Variants in GLS observed in about 807,000 individuals in gnomAD.
The protein encoded by GLS is glutaminase, also known as glutaminase kidney isoform, mitochondrial.
In GLS, 36 loss-of-function variants were observed where a neutral mutation model predicts 86.7. The observed-to-expected ratio is 0.42, with a 90% CI of 0.32 to 0.55. The LOEUF (loss-of-function observed/expected upper bound fraction) is 0.55. Ranked by LOEUF, GLS falls within the 20% of genes least tolerant of loss-of-function variation. The pLI is 0.17. For missense variants in GLS, 528 were observed against 833.4 expected (o/e 0.63, Z 4.51); for synonymous variants, 317 against 305.9 (o/e 1.04, Z -0.38).
At position 190,955,070 on chromosome 2, in the gene GLS, A is replaced by G. The variant is rs1302485165; in HGVS notation, c.1853+252A>G. 6.6e-6 allele frequency among the ~76,000 whole-genome samples: 1 copy of G among 152,128 alleles called. No homozygotes were observed. Among genetic ancestry groups the G allele is most frequent in the East Asian group, 1.9e-4 (1 of 5,204 alleles). On this transcript the variant is annotated intron_variant, in intron 17 of 17. Transcript: ENST00000320717. The surrounding 1 kb of genome is among the most constrained non-coding windows in gnomAD (Gnocchi z 5.6). ...TTAGTCAATACACTGTATGAACAAAACAATTTTTTTTTTGCATTTGGGAAG... is the reference window on the plus strand; with the variant it reads ...TTAGTCAATACACTGTATGAACAAAGCAATTTTTTTTTTGCATTTGGGAAG...
At chr2:190,939,316 G>C (rs1280658367) in intron 14 of GLS, among the ~76,000 whole-genome samples, 1 of 151,576 alleles carries the variant, frequency 6.6e-6, no homozygotes, top group East Asian at 1.9e-4. Flanking sequence ...CTTTTGAAAG[G>C]CTTTGTTGAC....
intron 14 of GLS, among the ~76,000 whole-genome samples, chr2:190,936,829 T>TA (rs1405260811): frequency 3.3e-5 from 5 of 151,358 alleles, no homozygotes; most frequent in African/African-American, 1.2e-4. Flanking sequence ...GTACAGTTTT[T>TA]AGTTTTAAGA....
At chr2:190,882,903 A>G (rs992151844) in intron 1 of GLS, among the ~76,000 whole-genome samples, 4 of 152,090 alleles carry the variant, frequency 2.6e-5, no homozygotes, top group Non-Finnish European at 4.4e-5. Context: ...CTCATCTGGG[A>G]CTCACTTTTA....
chr2:190,933,857 ATGAAT>A, intron 14 of GLS: 1 of 838,512 alleles, frequency 1.2e-6, no homozygotes, highest in Non-Finnish European at 1.4e-6. Flanking sequence ...TACTTGAGAA[ATGAAT>A]TTAGTCTGCA....
intron 17 of GLS, among the ~76,000 whole-genome samples, chr2:190,959,727 ATGT>A (rs1690955477): frequency 2.0e-5 from 3 of 152,160 alleles, no homozygotes; most frequent in Admixed American, 2.0e-4. Flanking sequence ...ATGCAGCCTG[ATGT>A]TGTTTTTAAT....
At chr2:190,891,827 C>G (rs1431352030) in intron 1 of GLS, among the ~76,000 whole-genome samples, 1 of 152,020 alleles carries the variant, frequency 6.6e-6, no homozygotes, top group African/African-American at 2.4e-5. Context: ...AAACAGGCAC[C>G]TTAATTCACA....
At chr2:190,906,734 A>G (rs1024815275) in intron 6 of GLS, among the ~76,000 whole-genome samples, 3 of 152,110 alleles carry the variant, frequency 2.0e-5, no homozygotes, top group African/African-American at 7.2e-5. Context: ...AAACAATTTG[A>G]AGATCTCGTT....
intron 1 of GLS, among the ~76,000 whole-genome samples, chr2:190,887,591 T>G (rs1277905749): frequency 6.6e-6 from 1 of 152,112 alleles, no homozygotes; most frequent in Non-Finnish European, 1.5e-5. Flanking sequence ...ATATTTTGAG[T>G]GACATAGACC....
Position 190,930,436 on chromosome 2 carries a change from G to T in GLS, c.1426-1G>T. On this transcript the variant is annotated splice_acceptor_variant, in intron 12 of 17. Coordinates refer to ENST00000320717, the MANE Select transcript of GLS (RefSeq NM_014905.5). LOFTEE classifies it high-confidence loss of function. The surrounding 1 kb of genome is among the most constrained non-coding windows in gnomAD (Gnocchi z 5.0). ...ATACTCTTTTACTGAATTATTTTTA[G>T]GTTGGTCTTCCTGCAAAATCTGGAG... 1 of 1,601,546 alleles carries T rather than the reference G, an allele frequency of 6.2e-7. No individual in the cohort carries two copies. Among genetic ancestry groups the T allele is most frequent in the Admixed American group, 1.7e-5 (1 of 59,866 alleles).
intron 12 of GLS, among the ~76,000 whole-genome samples, chr2:190,928,437 C>T (rs569756741): frequency 6.7e-4 from 101 of 151,214 alleles, no homozygotes; most frequent in Admixed American, 2.0e-3. Context: ...TGAGTTCCAG[C>T]GATTCTCCTG....
At position 190,953,679 on chromosome 2, in the gene GLS, T is replaced by C; in HGVS notation, c.1712+53T>C. 8.1e-7 allele frequency: 1 copy of C among 1,235,978 alleles called. No individual in the cohort carries two copies. The highest frequency in any genetic ancestry group is 1.7e-5 in the Admixed American group (1 of 57,200). The allele number at this position is 1,235,978 out of a possible 1,614,324, so 76.6% of individuals were successfully genotyped here. On this transcript the variant is annotated intron_variant, in intron 15 of 17. Transcript: ENST00000320717. The surrounding 1 kb of genome is among the most constrained non-coding windows in gnomAD (Gnocchi z 4.0). The stretch of plus-strand genomic sequence containing the variant: ...ACTTTACAGATATTTATGAAGTTGC[T>C]TCTGGGCGAGCAGCCATTTTAAGGT...
In GLS at chr2:190,895,708, C is replaced by G; in HGVS notation, c.588C>G (p.Asp196Glu). ...CAACATCAGATGGTGTCATGCTAGACAAAGATCTTTTTAAAAAGTAAAAGT... is the reference window on the plus strand; with the variant it reads ...CAACATCAGATGGTGTCATGCTAGAGAAAGATCTTTTTAAAAAGTAAAAGT... ...LQTTSDGVMLDKDLFKKCVQS... is the reference protein window; with the variant it reads ...LQTTSDGVMLEKDLFKKCVQS... Residue 196 changes from aspartate to glutamate, a missense_variant, in exon 3 of 18, where the codon GAC becomes GAG. By Grantham distance (45) the Asp-to-Glu change is conservative. Coordinates refer to ENST00000320717, the MANE Select transcript of GLS (RefSeq NM_014905.5). This position sits in a 1 kb window ranked among gnomAD's most constrained non-coding sequence, Gnocchi z 4.2. 1.3e-6 allele frequency: 2 copies of G among 1,579,558 alleles called. No individual in the cohort carries two copies. The highest frequency in any genetic ancestry group is 1.7e-6 in the Non-Finnish European group (2 of 1,156,670).
chr2:190,911,839 T>A (rs554377068), intron 7 of GLS, among the ~76,000 whole-genome samples: 1 of 152,118 alleles, frequency 6.6e-6, no homozygotes, highest in Non-Finnish European at 1.5e-5. Context: ...TCGAGGCTGA[T>A]CCATGGGTCC....
At chr2:190,933,855 A>G in intron 14 of GLS, 1 of 825,650 alleles carries the variant, frequency 1.2e-6, no homozygotes, top group East Asian at 1.2e-4. Context: ...AGTACTTGAG[A>G]AATGAATTTA....
rs531984677 is a variant in GLS at position 190,960,225 on chromosome 2, G to GA, written c.1854-2598dup. Among the ~76,000 whole-genome samples, 323 of 152,032 alleles carry GA rather than the reference G, an allele frequency of 2.1e-3. 1 individual carries two copies. The highest frequency in any genetic ancestry group is 7.4e-3 in the African/African-American group (307 of 41,466). Reference sequence around the variant, plus strand: ...TAATGAGAATAAAAGTTTAGAATGGGAAAAAAACGCATACTTGATGGTGGT... The same window carrying GA: ...TAATGAGAATAAAAGTTTAGAATGGGAAAAAAAACGCATACTTGATGGTGGT... On this transcript the variant is annotated intron_variant, in intron 17 of 17. Coordinates refer to ENST00000320717, the MANE Select transcript of GLS (RefSeq NM_014905.5).
chr2:190,882,832 G>A (rs1574552889), intron 1 of GLS, among the ~76,000 whole-genome samples: 10 of 152,190 alleles, frequency 6.6e-5, no homozygotes, highest in Admixed American at 6.5e-4. Flanking sequence ...GTTCTAAAAA[G>A]CTATACTTCT....
At position 190,947,190 on chromosome 2, in the gene GLS, T is replaced by C. The variant is rs1294113991; in HGVS notation, c.1651-6375T>C. ...ACTCAACCTTTAAACAAGCTCAAAC[T>C]GAGTAGGATAATGATAGGATTAAAG... On this transcript the variant is annotated intron_variant, in intron 14 of 17. Coordinates refer to ENST00000320717, the MANE Select transcript of GLS (RefSeq NM_014905.5). This position sits in a 1 kb window ranked among gnomAD's most constrained non-coding sequence, Gnocchi z 5.0. Among the ~76,000 whole-genome samples the C allele has an allele frequency of 6.6e-6, 1 of 152,150 alleles. No homozygotes were observed. The highest frequency in any genetic ancestry group is 1.9e-4 in the East Asian group (1 of 5,194).
chr2:190,933,786 ATTTCT>A (rs1690184663), intron 14 of GLS: 2 of 694,370 alleles, frequency 2.9e-6, no homozygotes, highest in South Asian at 1.3e-4. Context: ...AAATGCTAAT[ATTTCT>A]TTTGTGATAA....
At chr2:190,917,693 T>C (rs558062605) in intron 7 of GLS, among the ~76,000 whole-genome samples, 1 of 152,330 alleles carries the variant, frequency 6.6e-6, no homozygotes, top group Non-Finnish European at 1.5e-5. Context: ...GATGTTGTGT[T>C]AGCAGGCATG....
Sources: gnomAD v4.1 joint callset for allele counts (sites outside exome capture counted in the v4.1 genomes callset) on GRCh38, gnomAD v4.1.1 for gene constraint, Gnocchi (gnomAD v3.1) non-coding constraint, MANE v1.5 for transcripts, NCBI Gene and HGNC (gene_info 2026-07-23, HGNC 2026-07-21) for gene names.